Variants in EIF2B5 observed in about 807,000 individuals in gnomAD.
EIF2B5 encodes translation initiation factor eIF2B subunit epsilon.
EIF2B5 carries 38 observed loss-of-function variants against 87.3 expected under a neutral mutation model. That is an observed-to-expected ratio of 0.44 (90% CI 0.34 to 0.57). EIF2B5 has a LOEUF of 0.57. Ranked by LOEUF, EIF2B5 falls within the 20% of genes least tolerant of loss-of-function variation. The pLI is 0.02. For missense variants in EIF2B5, 784 were observed against 909.5 expected (o/e 0.86, Z 1.78); for synonymous variants, 313 against 339.6 (o/e 0.92, Z 0.86).
At chr3:184,144,068 A>G in intron 13 of EIF2B5, 31 bp from the exon 14 acceptor site, 1 of 1,614,200 alleles carries the variant, frequency 6.2e-7, no homozygotes. Context: ...ATGCTTAGGA[A>G]TATACTGCAG....
Position 184,142,248 on chromosome 3 carries a change from C to T in EIF2B5, c.1314C>T (p.Gly438=). ...RSVLTSQVVV[G]PNITLPEGSV... is the part of the protein sequence containing the mutation. ...TTTTTTCCCCTTAGGTGGTCGTGGG[C>T]CCAAATATCACGCTGCCTGAGGGCT... is the stretch of plus-strand genomic sequence containing the variant. The change falls in exon 9 of 16, where the codon GGC becomes GGT. Residue 438 remains glycine (G), a synonymous_variant. Coordinates refer to ENST00000648915, the MANE Select transcript of EIF2B5 (RefSeq NM_003907.3). This position sits in a 1 kb window ranked among gnomAD's most constrained non-coding sequence, Gnocchi z 5.0. The T allele has an allele frequency of 1.2e-6, 2 of 1,614,068 alleles. No individual in the cohort carries two copies. Among genetic ancestry groups the T allele is most frequent in the Non-Finnish European group, 1.7e-6 (2 of 1,180,022 alleles).
At chr3:184,143,597 T>C (rs1433933897) in intron 13 of EIF2B5, 32 bp downstream of exon 13, 5 of 1,614,122 alleles carry the variant, frequency 3.1e-6, no homozygotes, top group Admixed American at 1.7e-5. Flanking sequence ...GTACAAGGGA[T>C]TGGGTACAGG....
intron 6 of EIF2B5, 74 bp from the exon 7 acceptor site, chr3:184,140,344 A>T: frequency 6.5e-7 from 1 of 1,543,248 alleles, no homozygotes; most frequent in Non-Finnish European, 9.0e-7. Flanking sequence ...ACTTAAAAGG[A>T]TTAGAAAAGT....
intron 2 of EIF2B5, chr3:184,137,338 G>C (rs1224360711): frequency 7.9e-6 from 4 of 509,386 alleles, no homozygotes; most frequent in Non-Finnish European, 3.6e-6. Context: ...TGTACCCTAG[G>C]CTTCAGCAGG....
chr3:184,138,021 C>T lies in EIF2B5; in HGVS notation c.630C>T (p.Asn210=), dbSNP rs1318330741. ...NVVVAVDSTT[N]RVLHFQKTQG... is the part of the protein sequence containing the mutation. ...TAGTGGCTGTGGATAGTACCACAAA[C>T]AGGGTTCTCCATTTTCAGAAGACCC... Residue 210 remains asparagine (N), a synonymous_variant, in exon 4 of 16, where the codon AAC becomes AAT. Transcript: ENST00000648915. The T allele has an allele frequency of 1.7e-5, 27 of 1,614,082 alleles. No homozygotes were observed. Among genetic ancestry groups the T allele is most frequent in the Non-Finnish European group, 2.2e-5 (26 of 1,180,040 alleles).
In EIF2B5 at chr3:184,142,827, G is replaced by A. The variant is rs200225199; in HGVS notation, c.1595G>A (p.Ser532Asn). ...EEESESESEQ[S>N]MDSEEPDSRG... is the part of the protein sequence containing the mutation. ...GAGAGTGAAAGTGAAAGTGAGCAAAGTATGGATTCTGAGGAGCCGGACAGC... is the reference window on the plus strand; with the variant it reads ...GAGAGTGAAAGTGAAAGTGAGCAAAATATGGATTCTGAGGAGCCGGACAGC... Residue 532 changes from serine (S) to asparagine (N), a missense_variant, in exon 11 of 16, where the codon AGT (serine) becomes AAT (asparagine). Transcript: ENST00000648915. The surrounding 1 kb of genome is among the most constrained non-coding windows in gnomAD (Gnocchi z 5.0). 1 of 1,614,136 alleles carries A rather than the reference G, an allele frequency of 6.2e-7. No homozygotes were observed.
At chr3:184,138,703 T>C (rs1455591768) in intron 5 of EIF2B5, 2 of 220,286 alleles carry the variant, frequency 9.1e-6, no homozygotes, top group African/African-American at 4.8e-5. Context: ...GGTCTCGCTC[T>C]GTGGCCCAGG....
rs1713778719 is a variant in EIF2B5 at position 184,144,536 on chromosome 3, G to C, written c.1996-61G>C. On this transcript the variant is annotated intron_variant, in intron 14 of 15. Transcript: ENST00000648915. ...AGTGCATAGAGGGATCTGAGGGCCT[G>C]GTAGAGTATCCTGCTGGACTTTCCA... 2.7e-6 allele frequency: 4 copies of C among 1,457,614 alleles called. No individual in the cohort carries two copies. In the Admixed American group the frequency reaches 5.1e-5, roughly 19 times the overall value. 90.3% of individuals were successfully genotyped at this position (1,457,614 alleles called of 1,614,324 possible).
intron 2 of EIF2B5, chr3:184,137,277 T>G (rs750867391): frequency 2.4e-6 from 1 of 411,422 alleles, no homozygotes; most frequent in Admixed American, 3.6e-5. Flanking sequence ...AAATGTTATA[T>G]GGATTGCAGA....
At chr3:184,137,232 T>C in intron 2 of EIF2B5, 1 of 368,706 alleles carries the variant, frequency 2.7e-6, no homozygotes, top group Non-Finnish European at 5.1e-6. Flanking sequence ...ATGTAAAGAC[T>C]AGGACATTAG....
At chr3:184,136,804 C>CT (rs1713382126) in intron 2 of EIF2B5, 68 bp downstream of exon 2, 3 of 1,608,102 alleles carry the variant, frequency 1.9e-6, no homozygotes, top group Non-Finnish European at 2.6e-6. Context: ...ATGAATGTAA[C>CT]TAAGGGGAAA....
At chr3:184,141,885 G>C in intron 7 of EIF2B5, 40 bp from the exon 8 acceptor site, 1 of 1,613,228 alleles carries the variant, frequency 6.2e-7, no homozygotes, top group Non-Finnish European at 8.5e-7. Flanking sequence ...TCTGCGGTTG[G>C]AACCCTGAGT....
chr3:184,137,878 G>A lies in EIF2B5; in HGVS notation c.507-20G>A. ...CCTGAGACTGCTTTTTTGCAGTTCT[G>A]TCCCTCCTGTCCTTTATAGGTTGAG... On this transcript the variant is annotated intron_variant, in intron 3 of 15. Transcript: ENST00000648915. The A allele has an allele frequency of 6.2e-7, 1 of 1,614,198 alleles. No homozygotes were observed. The highest frequency in any genetic ancestry group is 8.5e-7 in the Non-Finnish European group (1 of 1,180,046).
In EIF2B5 at chr3:184,143,109, G is replaced by C; in HGVS notation, c.1712G>C (p.Cys571Ser). ...CGGGGCAAAGAGGAGAACATTTCTT[G>C]TGACAATCTCGTCCTGGAAATCAAC... is the stretch of plus-strand genomic sequence containing the variant. ...LQRGKEENIS[C>S]DNLVLEINSL... The change falls in exon 12 of 16, where the codon TGT becomes TCT. Residue 571 changes from cysteine (C) to serine (S), a missense_variant. By Grantham distance (112) the Cys-to-Ser change is moderately radical (BLOSUM62 -1). Around this residue, in one of 3 missense-constraint regions of EIF2B5, gnomAD observed 660 missense variants for 789.5 expected, o/e 0.84. Coordinates refer to ENST00000648915, the MANE Select transcript of EIF2B5 (RefSeq NM_003907.3). 1 of 1,613,920 alleles carries C rather than the reference G, an allele frequency of 6.2e-7. No individual in the cohort carries two copies. Among genetic ancestry groups the C allele is most frequent in the Non-Finnish European group, 8.5e-7 (1 of 1,179,918 alleles).
rs1713441656 is a variant in EIF2B5 at position 184,138,000 on chromosome 3, G to A, written c.609G>A (p.Val203=). The A allele has an allele frequency of 4.3e-6, 7 of 1,614,220 alleles. 1 individual carries two copies. The South Asian group carries it at 7.7e-5, about 18-fold the overall frequency. The change falls in exon 4 of 16, where the codon GTG becomes GTA. Residue 203 remains valine (V), a synonymous_variant. Transcript: ENST00000648915. ...PTRCHEDNVV[V]AVDSTTNRVL... Reference sequence around the variant, plus strand: ...GTTGCCACGAAGACAATGTGGTAGTGGCTGTGGATAGTACCACAAACAGGG... The same window carrying A: ...GTTGCCACGAAGACAATGTGGTAGTAGCTGTGGATAGTACCACAAACAGGG...
intron 2 of EIF2B5, 95 bp from the exon 3 acceptor site, chr3:184,137,525 A>G (rs747263142): frequency 1.2e-4 from 153 of 1,286,756 alleles, no homozygotes; most frequent in Non-Finnish European, 1.7e-4. Flanking sequence ...GCCATCGAGA[A>G]GGACTGTGAG....
At chr3:184,143,028 A>C in intron 11 of EIF2B5, 24 bp from the exon 12 acceptor site, 1 of 1,609,768 alleles carries the variant, frequency 6.2e-7, no homozygotes, top group East Asian at 2.2e-5. Context: ...TTGGCCCATG[A>C]ACTTATCCTT....
intron 12 of EIF2B5, 60 bp downstream of exon 12, chr3:184,143,202 G>T (rs953858550): frequency 6.3e-6 from 10 of 1,575,938 alleles, no homozygotes; most frequent in Admixed American, 3.6e-5. Flanking sequence ...AGGCTTTCTC[G>T]TAAGTGTTTT....
chr3:184,144,498 G>C, intron 14 of EIF2B5, 99 bp from the exon 15 acceptor site: 1 of 1,166,090 alleles, frequency 8.6e-7, no homozygotes, highest in Non-Finnish European at 1.3e-6. Context: ...GTCCGTTTTG[G>C]AGGAGGCTAC....
Sources: allele counts gnomAD v4.1 joint callset, GRCh38; gene constraint gnomAD v4.1.1; regional missense constraint gnomAD v4.1.1; non-coding constraint Gnocchi (gnomAD v3.1); transcripts MANE v1.5; gene names NCBI Gene and HGNC (gene_info 2026-07-23, HGNC 2026-07-21).